TCN2: variants seen among roughly 807,000 people sequenced by gnomAD.
The protein encoded by TCN2 is transcobalamin-2.
In TCN2, 34 loss-of-function variants were observed where a neutral mutation model predicts 48.6. The ratio of observed to expected loss-of-function variants is 0.70; its 90% confidence interval spans 0.53 to 0.93. The LOEUF is 0.93. TCN2 is among the 40% of genes least tolerant of loss of function. TCN2 has a pLI of 0.00. For missense variants in TCN2, 652 were observed against 526.1 expected, an observed-to-expected ratio of 1.24 and a Z score of -2.34; for synonymous variants, 283 against 212.5, an observed-to-expected ratio of 1.33 and a Z score of -2.89.
chr22:30,624,651 G>A (rs1569047699), intron 8 of TCN2, among the ~76,000 whole-genome samples: 1 of 152,190 alleles, frequency 6.6e-6, no homozygotes, highest in Non-Finnish European at 1.5e-5. Flanking sequence ...TGAGAGCTAG[G>A]TGGACCCAGC....
chr22:30,610,982 G>T lies in TCN2; in HGVS notation c.176G>T (p.Arg59Leu), dbSNP rs1036556308. The T allele has an allele frequency of 1.2e-6, 2 of 1,614,076 alleles. No individual in the cohort carries two copies. The highest frequency in any genetic ancestry group is 1.3e-5 in the African/African-American group (1 of 74,928). ...HLNPSIYVGLRLSSLQAGTKE... is the reference protein window; with the variant it reads ...HLNPSIYVGLLLSSLQAGTKE... ...AACCCCAGCATCTATGTGGGCCTAC[G>T]CCTCTCCAGTCTGCAGGCTGGGACC... Residue 59 changes from arginine to leucine, a missense_variant, in exon 2 of 9, where the codon CGC becomes CTC. Coordinates refer to ENST00000215838, the MANE Select transcript of TCN2 (RefSeq NM_000355.4).
At chr22:30,611,959 A>G (rs2087548224) in intron 2 of TCN2, among the ~76,000 whole-genome samples, 1 of 151,946 alleles carries the variant, frequency 6.6e-6, no homozygotes, top group African/African-American at 2.4e-5. Context: ...AAAGAAGACT[A>G]GGCATAGTGG....
At chr22:30,623,887 CACATATATATGTAT>C (rs2145558693) in intron 8 of TCN2, among the ~76,000 whole-genome samples, 1 of 91,036 alleles carries the variant, frequency 1.1e-5, no homozygotes, top group South Asian at 2.6e-4. Flanking sequence ...CATATATACA[CACATATATATGTAT>C]ACATATATAT....
chr22:30,614,268 C>G, intron 3 of TCN2, 81 bp from the exon 4 acceptor site: 1 of 1,571,244 alleles, frequency 6.4e-7, no homozygotes, highest in Non-Finnish European at 8.7e-7. Context: ...TTGGAAAGTG[C>G]AGGCCAGGGT....
At position 30,615,584 on chromosome 22, in the gene TCN2, CCTCA is replaced by C. The variant is rs2087601057; in HGVS notation, c.754-13_754-10del. 6.2e-7 allele frequency: 1 copy of C among 1,614,094 alleles called. No homozygotes were observed. Among genetic ancestry groups the C allele is most frequent in the Non-Finnish European group, 8.5e-7 (1 of 1,179,994 alleles). On this transcript the variant is annotated splice_polypyrimidine_tract_variant and intron_variant, in intron 5 of 8. Coordinates refer to ENST00000215838, the MANE Select transcript of TCN2 (RefSeq NM_000355.4). ...TGCCGGCTGACTTCCTCTCTCTCTT[CCTCA>C]CTCTATCACCAGTTCCTCATGACTT...
At chr22:30,620,619 G>A (rs1215148899) in intron 7 of TCN2, among the ~76,000 whole-genome samples, 1 of 152,264 alleles carries the variant, frequency 6.6e-6, no homozygotes, top group Non-Finnish European at 1.5e-5. Flanking sequence ...CAGACCCACA[G>A]ACTGAGATTA....
chr22:30,616,487 C>CA (rs58169513), intron 6 of TCN2, among the ~76,000 whole-genome samples: 1,774 of 94,448 alleles, frequency 0.019, 25 homozygotes, highest in African/African-American at 0.028. Context: ...GACTATGTCT[C>CA]AAAAAAAAAA....
intron 3 of TCN2, 58 bp from the exon 4 acceptor site, chr22:30,614,282 AGGTGCTGGC>A (rs1364328602): frequency 6.9e-6 from 11 of 1,595,252 alleles, no homozygotes; most frequent in Non-Finnish European, 9.4e-6. Context: ...CCAGGGTCCC[AGGTGCTGGC>A]GGGGCTGGCT....
At chr22:30,616,062 TGG>T (rs2087609436) in intron 6 of TCN2, among the ~76,000 whole-genome samples, 2 of 151,390 alleles carry the variant, frequency 1.3e-5, no homozygotes, top group Non-Finnish European at 2.9e-5. Flanking sequence ...GATGGATGGA[TGG>T]ATGGATGGAT....
chr22:30,616,842 A>G (rs2087619073), intron 6 of TCN2, among the ~76,000 whole-genome samples: 1 of 152,206 alleles, frequency 6.6e-6, no homozygotes, highest in Non-Finnish European at 1.5e-5. Context: ...AAGAAGAGGC[A>G]GGAAGAACAA....
intron 7 of TCN2, among the ~76,000 whole-genome samples, chr22:30,617,930 T>G (rs575871216): frequency 3.3e-5 from 5 of 152,164 alleles, no homozygotes; most frequent in East Asian, 1.9e-4. Flanking sequence ...AAGAACTGTT[T>G]TTTGTTTGTT....
Position 30,607,355 on chromosome 22 carries a change from C to T in TCN2, c.24C>T (p.Leu8=). 9.3e-6 allele frequency: 15 copies of T among 1,614,184 alleles called. No individual in the cohort carries two copies. Among genetic ancestry groups the T allele is most frequent in the Non-Finnish European group, 1.3e-5 (15 of 1,180,040 alleles). ...CCATGAGGCACCTTGGGGCCTTCCT[C>T]TTCCTTCTGGGGGTCCTGGGGGCCC... MRHLGAF[L]FLLGVLGALT... is the part of the protein sequence containing the mutation. The change falls in exon 1 of 9, where the codon CTC becomes CTT. Residue 8 remains leucine, a synonymous_variant. Coordinates refer to ENST00000215838, the MANE Select transcript of TCN2 (RefSeq NM_000355.4).
Position 30,615,652 on chromosome 22 carries a change from AAGGCG to A in TCN2, c.809_813del (p.Ala270GlyfsTer32). The A allele has an allele frequency of 6.2e-7, 1 of 1,614,160 alleles. No individual in the cohort carries two copies. Among genetic ancestry groups the A allele is most frequent in the Non-Finnish European group, 8.5e-7 (1 of 1,180,000 alleles). On this transcript the variant is annotated frameshift_variant, in exon 6 of 9. Transcript: ENST00000215838. LOFTEE classifies it high-confidence loss of function. ...GGCAGAACTGGGAACAGCATGTCTCAAGGCGAGGGTTGCTTTGCTGGCCAGTCTGC... is the reference window on the plus strand; with the variant it reads ...GGCAGAACTGGGAACAGCATGTCTCAAGGGTTGCTTTGCTGGCCAGTCTGC...
In TCN2 at chr22:30,608,479, G is replaced by T. The variant is rs1030020488; in HGVS notation, c.64+1084G>T. On this transcript the variant is annotated intron_variant, in intron 1 of 8. Coordinates refer to ENST00000215838, the MANE Select transcript of TCN2 (RefSeq NM_000355.4). Reference sequence around the variant, plus strand: ...CTTGGCTCACTGCAGCCTCTGCCTTGTGGGTTCAAGTGATTCCCCCACCTC... The same window carrying T: ...CTTGGCTCACTGCAGCCTCTGCCTTTTGGGTTCAAGTGATTCCCCCACCTC... 3.3e-5 allele frequency among the ~76,000 whole-genome samples: 5 copies of T among 151,678 alleles called. No individual in the cohort carries two copies. In the East Asian group the frequency reaches 7.7e-4, roughly 23 times the overall value.
chr22:30,621,520 T>C (rs1479350513), intron 7 of TCN2, among the ~76,000 whole-genome samples: 3 of 152,116 alleles, frequency 2.0e-5, no homozygotes, highest in Admixed American at 6.6e-5. Context: ...TCTTGCTCTG[T>C]TACCCAGGCT....
Position 30,615,902 on chromosome 22 carries a change from G to A in TCN2, c.940+115G>A, listed in dbSNP as rs1023164496. ...TTGCTGAGTCAGCACAAGATTGTGG[G>A]TGTGCATGGGACACAGCAGCCAAAA... On this transcript the variant is annotated intron_variant, in intron 6 of 8. Transcript: ENST00000215838. The A allele has an allele frequency of 1.6e-5, 21 of 1,295,124 alleles. No individual in the cohort carries two copies. In the African/African-American group the frequency reaches 1.8e-4, roughly 11 times the overall value. 80.2% of individuals were successfully genotyped at this position (1,295,124 alleles called of 1,614,324 possible). A position where few individuals can be genotyped will look rare whatever the true frequency, so the allele number is the denominator to read the frequency against.
chr22:30,621,002 T>G lies in TCN2; in HGVS notation c.1107-1966T>G, dbSNP rs546519434. ...CCCCAAATAGGGTGGTGGTTGTTGT[T>G]GTTGTTTTGAGACGGAGTTGCATTC... is the stretch of plus-strand genomic sequence containing the variant. On this transcript the variant is annotated intron_variant, in intron 7 of 8. Transcript: ENST00000215838. Among the ~76,000 whole-genome samples, 40 of 152,222 alleles carry G rather than the reference T, an allele frequency of 2.6e-4. 1 individual carries two copies. The highest frequency in any genetic ancestry group is 2.8e-4 in the Non-Finnish European group (19 of 68,010).
In TCN2 at chr22:30,627,155, G is replaced by C. The variant is rs1419483309; in HGVS notation, c.*634G>C. 1.2e-5 allele frequency: 2 copies of C among 166,224 alleles called. No individual in the cohort carries two copies. The highest frequency in any genetic ancestry group is 2.7e-5 in the Non-Finnish European group (2 of 75,388). The allele number at this position is 166,224 out of a possible 1,614,324, so 10.3% of individuals were successfully genotyped here. On this transcript the variant is annotated 3_prime_UTR_variant, in exon 9 of 9. Transcript: ENST00000215838. ...TCAGGGAGGAGTGGAGGGTGCCTGAGCCGCCATGTGGGCATTGGGGGAGTG... is the reference window on the plus strand; with the variant it reads ...TCAGGGAGGAGTGGAGGGTGCCTGACCCGCCATGTGGGCATTGGGGGAGTG...
At chr22:30,610,428 C>A (rs981414673) in intron 1 of TCN2, 4 of 386,754 alleles carry the variant, frequency 1.0e-5, no homozygotes, top group South Asian at 7.9e-5. Context: ...GCAGTTAGGT[C>A]CATCCTTGGC....
Sources: gnomAD v4.1 joint callset for allele counts (sites outside exome capture counted in the v4.1 genomes callset) on GRCh38, gnomAD v4.1.1 for gene constraint, MANE v1.5 for transcripts, NCBI Gene and HGNC (gene_info 2026-07-23, HGNC 2026-07-21) for gene names.